Variants in AADACL4 observed in about 807,000 individuals in gnomAD.
AADACL4 encodes the protein arylacetamide deacetylase-like 4.
Under a neutral mutation model 14.1 loss-of-function variants are expected in AADACL4, and 9 were observed. The observed-to-expected ratio is 0.64, with a 90% CI of 0.39 to 1.12. The LOEUF (loss-of-function observed/expected upper bound fraction) is 1.12, where lower values mean the gene tolerates loss of function less well. AADACL4 is among the 50% of genes most tolerant of loss of function. The pLI, the probability that AADACL4 is intolerant of heterozygous loss-of-function variation, is 0.01. For missense variants in AADACL4, 531 were observed against 516.1 expected, an observed-to-expected ratio of 1.03 and a Z score of -0.28; for synonymous variants, 188 against 201.6, an observed-to-expected ratio of 0.93 and a Z score of 0.57.
chr1:12,644,953 T>G (rs1001050888), intron 1 of AADACL4, among the ~76,000 whole-genome samples: 1 of 144,166 alleles, frequency 6.9e-6, no homozygotes, highest in Non-Finnish European at 1.5e-5. Flanking sequence ...CTTCCCTCCT[T>G]CTCTCCCTCC....
intron 2 of AADACL4, among the ~76,000 whole-genome samples, chr1:12,658,158 T>C (rs1261676695): frequency 1.4e-5 from 2 of 137,972 alleles, no homozygotes; most frequent in Admixed American, 6.9e-5. Context: ...CTTTCTTTCT[T>C]TCTTTCTTTT....
chr1:12,648,566 T>TG (rs1029309828), intron 1 of AADACL4, among the ~76,000 whole-genome samples: 1 of 151,444 alleles, frequency 6.6e-6, no homozygotes, highest in Non-Finnish European at 1.5e-5. Context: ...CTGGGTTTTT[T>TG]TTTTTTTTGT....
chr1:12,650,478 A>G (rs1406174633), intron 1 of AADACL4, among the ~76,000 whole-genome samples: 1 of 151,966 alleles, frequency 6.6e-6, no homozygotes, highest in Non-Finnish European at 1.5e-5. Context: ...AGAGTCCAGC[A>G]CAGAGCTATA....
chr1:12,651,464 C>A, intron 2 of AADACL4, 125 bp downstream of exon 2: 1 of 992,670 alleles, frequency 1.0e-6, no homozygotes, highest in Non-Finnish European at 1.5e-6. Context: ...ATTTTTATAG[C>A]GTTAATAGCC....
chr1:12,666,126 C>G lies in AADACL4; in HGVS notation c.615C>G (p.Ala205=). 6.2e-7 allele frequency: 1 copy of G among 1,614,208 alleles called. No homozygotes were observed. Among genetic ancestry groups the G allele is most frequent in the South Asian group, 1.1e-5 (1 of 91,082 alleles). The stretch of plus-strand genomic sequence containing the variant: ...CAGCGGTGGCCGCCATCACCCAGGC[C>G]TTGGTGGGCAGATCAGATCTTCCCC... ...GGAAVAAITQ[A]LVGRSDLPRI... is the part of the protein sequence containing the mutation. Residue 205 remains alanine, a synonymous_variant, in exon 4 of 4, where the codon GCC becomes GCG. Coordinates refer to ENST00000376221, the MANE Select transcript of AADACL4 (RefSeq NM_001013630.2).
At chr1:12,660,136 C>T (rs756114278) in intron 2 of AADACL4, among the ~76,000 whole-genome samples, 6 of 152,000 alleles carry the variant, frequency 3.9e-5, no homozygotes, top group Admixed American at 6.6e-5. Context: ...TTTACAGAGA[C>T]GGGGTCTTGC....
chr1:12,653,770 A>G (rs1041072785), intron 2 of AADACL4, among the ~76,000 whole-genome samples: 2 of 152,118 alleles, frequency 1.3e-5, no homozygotes, highest in African/African-American at 4.8e-5. Flanking sequence ...TGGGCTTAGG[A>G]TGTGCCCCGG....
At chr1:12,659,521 A>G (rs976698312) in intron 2 of AADACL4, among the ~76,000 whole-genome samples, 1 of 152,266 alleles carries the variant, frequency 6.6e-6, no homozygotes, top group African/African-American at 2.4e-5. Context: ...TTTTAATGCA[A>G]TGTTTAAAAA....
intron 1 of AADACL4, among the ~76,000 whole-genome samples, chr1:12,650,477 C>G (rs1360534206): frequency 1.3e-5 from 2 of 151,554 alleles, no homozygotes; most frequent in African/African-American, 4.8e-5. Context: ...GAGAGTCCAG[C>G]ACAGAGCTAT....
intron 1 of AADACL4, among the ~76,000 whole-genome samples, chr1:12,648,534 C>T (rs371223851): frequency 3.3e-5 from 5 of 151,718 alleles, no homozygotes; most frequent in Non-Finnish European, 7.4e-5. Flanking sequence ...GCAGCTGGGA[C>T]CACAGGCATG....
chr1:12,657,053 G>A (rs1031213455), intron 2 of AADACL4, among the ~76,000 whole-genome samples: 1 of 149,780 alleles, frequency 6.7e-6, no homozygotes, highest in Non-Finnish European at 1.5e-5. Context: ...TGAAGCAGGA[G>A]GATTGTTTGA....
intron 1 of AADACL4, among the ~76,000 whole-genome samples, chr1:12,647,207 C>T (rs1206505537): frequency 6.6e-6 from 1 of 151,906 alleles, no homozygotes; most frequent in Non-Finnish European, 1.5e-5. Context: ...GATCCTCCCA[C>T]CTCAGCCTCC....
At chr1:12,663,622 C>T (rs149281159) in intron 3 of AADACL4, among the ~76,000 whole-genome samples, 2 of 151,582 alleles carry the variant, frequency 1.3e-5, no homozygotes, top group Non-Finnish European at 2.9e-5. Flanking sequence ...TGTAGGGAGG[C>T]ACAGGAGAAT....
rs1265444149 is a variant in AADACL4, at chr1:12,655,623, A to T, written c.385+4284A>T. ...TTAGGCCCGTTTCACCAACGACTGA[A>T]GCCTCCCTCTGGGTGACCCTGGGTT... On this transcript the variant is annotated intron_variant, in intron 2 of 3. Coordinates refer to ENST00000376221, the MANE Select transcript of AADACL4 (RefSeq NM_001013630.2). 2.6e-5 allele frequency among the ~76,000 whole-genome samples: 4 copies of T among 151,850 alleles called. No homozygotes were observed. The East Asian group carries it at 7.7e-4, about 29-fold the overall frequency.
intron 2 of AADACL4, among the ~76,000 whole-genome samples, chr1:12,655,228 A>G (rs940250414): frequency 1.3e-5 from 2 of 152,104 alleles, no homozygotes; most frequent in Non-Finnish European, 2.9e-5. Flanking sequence ...TGCCATCAAC[A>G]CCTGTGACAC....
chr1:12,648,388 C>T lies in AADACL4; in HGVS notation c.169-2735C>T, dbSNP rs113002748. Among the ~76,000 whole-genome samples, 196 of 146,846 alleles carry T rather than the reference C, an allele frequency of 1.3e-3. 2 individuals are homozygous for T. The highest frequency in any genetic ancestry group is 2.4e-3 in the Admixed American group (36 of 14,800). ...TCCTTCCTTCCTTCCTTCCTTCCTT[C>T]CTTTCTTTCCTTCTTTCCTTTTTTT... On this transcript the variant is annotated intron_variant, in intron 1 of 3. Coordinates refer to ENST00000376221, the MANE Select transcript of AADACL4 (RefSeq NM_001013630.2).
chr1:12,647,978 GT>G (rs1363389090), intron 1 of AADACL4, among the ~76,000 whole-genome samples: 1 of 151,872 alleles, frequency 6.6e-6, no homozygotes, highest in Non-Finnish European at 1.5e-5. Context: ...TTCTGTTTTT[GT>G]TTTTGAGATG....
chr1:12,648,937 C>A (rs1171209265), intron 1 of AADACL4, among the ~76,000 whole-genome samples: 1 of 152,148 alleles, frequency 6.6e-6, no homozygotes, highest in Non-Finnish European at 1.5e-5. Context: ...GTTAATATCA[C>A]ACTTCATTGT....
At chr1:12,645,566 G>A (rs778989382) in intron 1 of AADACL4, among the ~76,000 whole-genome samples, 4 of 151,894 alleles carry the variant, frequency 2.6e-5, no homozygotes, top group Admixed American at 1.3e-4. Flanking sequence ...TTTTTGAGAC[G>A]GGGTCTTGCT....
Sources: allele counts gnomAD v4.1 joint callset (sites outside exome capture counted in the v4.1 genomes callset), GRCh38; gene constraint gnomAD v4.1.1; transcripts MANE v1.5; gene names NCBI Gene and HGNC (gene_info 2026-07-23, HGNC 2026-07-21).